The following PEMT variants were observed in gnomAD, a reference collection of about 807,000 sequenced individuals.
PEMT encodes the protein phosphatidylethanolamine N-methyltransferase, also known as phospholipid methyltransferase.
PEMT carries 23 observed loss-of-function variants against 27.4 expected under a neutral mutation model. That is an observed-to-expected ratio of 0.84 (90% CI 0.60 to 1.19). The LOEUF is 1.19. PEMT is among the 50% of genes most tolerant of loss of function. The probability of loss-of-function intolerance (pLI) is 0.00; values close to 1 mark genes in which losing one functional copy is unlikely to be tolerated. For missense variants in PEMT, 307 were observed against 310.1 expected (o/e 0.99, Z 0.07); for synonymous variants, 137 against 139.1 (o/e 0.98, Z 0.11).
intron 1 of PEMT, among the ~76,000 whole-genome samples, chr17:17,590,159 T>C (rs1211153587): frequency 6.6e-6 from 1 of 152,102 alleles, no homozygotes; most frequent in Non-Finnish European, 1.5e-5. Context: ...CAGGTTCACC[T>C]GGTGAAAATG....
At chr17:17,584,886 T>G (rs1912161334) in intron 1 of PEMT, among the ~76,000 whole-genome samples, 1 of 152,202 alleles carries the variant, frequency 6.6e-6, no homozygotes, top group Non-Finnish European at 1.5e-5. Flanking sequence ...ATGGTAGAGG[T>G]GCCATGGGAC....
At chr17:17,515,437 C>T (rs921047445) in intron 3 of PEMT, among the ~76,000 whole-genome samples, 3 of 152,182 alleles carry the variant, frequency 2.0e-5, no homozygotes, top group East Asian at 1.9e-4. Context: ...GCTGCTCCTC[C>T]GCCTACGGCC....
At chr17:17,591,928 C>G (rs1912611498), upstream of PEMT, 1 of 985,462 alleles carries the variant, frequency 1.0e-6, no homozygotes, top group Non-Finnish European at 1.2e-6. Flanking sequence ...CGCCCAGTGC[C>G]TTTGGTCGCC....
intron 2 of PEMT, among the ~76,000 whole-genome samples, chr17:17,536,018 G>A (rs1177151938): frequency 6.6e-6 from 1 of 152,150 alleles, no homozygotes; most frequent in Non-Finnish European, 1.5e-5. Flanking sequence ...CCCTTATTCT[G>A]CCACTGTCTC....
At chr17:17,566,368 A>G (rs1910829242) in intron 2 of PEMT, among the ~76,000 whole-genome samples, 1 of 152,234 alleles carries the variant, frequency 6.6e-6, no homozygotes, top group Admixed American at 6.5e-5. Context: ...TTCCTCCTCC[A>G]GGAAAGAGGG....
At chr17:17,549,336 C>T (rs1909485170) in intron 2 of PEMT, among the ~76,000 whole-genome samples, 1 of 152,180 alleles carries the variant, frequency 6.6e-6, no homozygotes, top group Admixed American at 6.5e-5. Context: ...ACTACAGGCA[C>T]ATGCCACCAC....
At position 17,530,887 on chromosome 17, in the gene PEMT, C is replaced by A. The variant is rs1167153559; in HGVS notation, c.205-8492G>T. ...TTCTAAAAAATTCATTTTTCCATTA[C>A]AAAAAATTGGCCGGGCGTAACGGCA... On this transcript the variant is annotated intron_variant, in intron 2 of 6. Coordinates refer to ENST00000255389, the MANE Select transcript of PEMT (RefSeq NM_148172.3). 2.0e-5 allele frequency among the ~76,000 whole-genome samples: 3 copies of A among 151,672 alleles called. No homozygotes were observed. In the East Asian group the frequency reaches 5.8e-4, roughly 29 times the overall value.
intron 2 of PEMT, among the ~76,000 whole-genome samples, chr17:17,539,681 G>A (rs943921980): frequency 1.3e-5 from 2 of 152,242 alleles, no homozygotes; most frequent in Admixed American, 6.5e-5. Flanking sequence ...TCACGATCAT[G>A]GGGCCTGAAT....
chr17:17,547,024 C>T (rs995467978), intron 2 of PEMT, among the ~76,000 whole-genome samples: 1 of 152,268 alleles, frequency 6.6e-6, no homozygotes, highest in Non-Finnish European at 1.5e-5. Context: ...GGGCTGCCCA[C>T]TGGTCTCCAG....
chr17:17,550,470 C>T (rs781475200), intron 2 of PEMT, among the ~76,000 whole-genome samples: 3 of 151,802 alleles, frequency 2.0e-5, no homozygotes, highest in African/African-American at 4.9e-5. Flanking sequence ...TGCTTCAGGA[C>T]CCCCCTTCCC....
intron 2 of PEMT, among the ~76,000 whole-genome samples, chr17:17,563,783 A>C (rs187643178): frequency 7.9e-4 from 120 of 152,266 alleles, no homozygotes; most frequent in African/African-American, 2.7e-3. Context: ...CTTTCTAAGA[A>C]CGCACATGGC....
chr17:17,509,997 C>T (rs56028126), intron 4 of PEMT, among the ~76,000 whole-genome samples: 13,691 of 152,146 alleles, frequency 0.09, 1,062 homozygotes, highest in African/African-American at 0.21. Context: ...TGGTGAGTTC[C>T]TCTCCCTCTA....
chr17:17,544,847 C>T (rs143783925), intron 2 of PEMT, among the ~76,000 whole-genome samples: 20 of 152,298 alleles, frequency 1.3e-4, no homozygotes, highest in African/African-American at 4.1e-4. Context: ...GGCAGAAAGG[C>T]GGGCATTTTA....
intron 2 of PEMT, among the ~76,000 whole-genome samples, chr17:17,563,563 G>A (rs1910633018): frequency 6.6e-6 from 1 of 152,228 alleles, no homozygotes; most frequent in Admixed American, 6.5e-5. Flanking sequence ...AATTTCATGA[G>A]CAAAGATCAT....
Position 17,505,810 on chromosome 17 carries a change from C to A in PEMT, c.692G>T (p.Gly231Val), listed in dbSNP as rs1368492898. 2.5e-6 allele frequency: 4 copies of A among 1,611,524 alleles called. No individual in the cohort carries two copies. In the Admixed American group the frequency reaches 6.7e-5, roughly 27 times the overall value. The change falls in exon 7 of 7, where the codon GGG (glycine) becomes GTG (valine). Residue 231 changes from glycine to valine, a missense_variant. Transcript: ENST00000255389. ...TAEIYRQKAS[G>V]SHKRS Reference sequence around the variant, plus strand: ...GCTCAATCAGCTCCTCTTGTGGGACCCGGAGGCTTTCTGCCGGTAGATCTC... The same window carrying A: ...GCTCAATCAGCTCCTCTTGTGGGACACGGAGGCTTTCTGCCGGTAGATCTC...
intron 1 of PEMT, among the ~76,000 whole-genome samples, chr17:17,587,632 G>T (rs1269973061): frequency 6.6e-6 from 1 of 152,170 alleles, no homozygotes; most frequent in Non-Finnish European, 1.5e-5. Flanking sequence ...GGAGGCCAAG[G>T]TGGGTGGATC....
intron 2 of PEMT, among the ~76,000 whole-genome samples, chr17:17,575,579 G>A (rs1911528712): frequency 6.6e-6 from 1 of 152,230 alleles, no homozygotes; most frequent in African/African-American, 2.4e-5. Flanking sequence ...TGCAGCCCTG[G>A]CTCCAGAGGC....
intron 1 of PEMT, among the ~76,000 whole-genome samples, chr17:17,586,345 T>TGTGA (rs1297967683): frequency 6.7e-6 from 1 of 149,356 alleles, no homozygotes; most frequent in Non-Finnish European, 1.5e-5. Context: ...AGCAGCGCCA[T>TGTGA]CCAGTGGCTG....
chr17:17,531,930 G>C (rs560095984), intron 2 of PEMT, among the ~76,000 whole-genome samples: 1 of 152,276 alleles, frequency 6.6e-6, no homozygotes, highest in East Asian at 1.9e-4. Context: ...TTGATAGAAT[G>C]AAAGGATCAG....
Sources: gnomAD v4.1 joint callset for allele counts (sites outside exome capture counted in the v4.1 genomes callset) on GRCh38, gnomAD v4.1.1 for gene constraint, MANE v1.5 for transcripts, NCBI Gene and HGNC (gene_info 2026-07-23, HGNC 2026-07-21) for gene names.